OR11H12: variants seen among roughly 807,000 people sequenced by gnomAD.
The protein encoded by OR11H12 is olfactory receptor family 11 subfamily H member 12.
In OR11H12, 10 loss-of-function variants were observed where a neutral mutation model predicts 19.8. That is an observed-to-expected ratio of 0.51 (90% CI 0.31 to 0.86). The LOEUF (loss-of-function observed/expected upper bound fraction) is 0.86, where lower values mean the gene tolerates loss of function less well. OR11H12 is among the 40% of genes least tolerant of loss of function. The pLI is 0.04. For missense variants in OR11H12, 123 were observed against 384.2 expected (o/e 0.32, Z 5.68); for synonymous variants, 40 against 140.5 (o/e 0.28, Z 5.06).
rs148443784 is a variant in OR11H12 at position 18,602,061 on chromosome 14, C to T, written c.945C>T (p.Ala315=). Residue 315 remains alanine, a synonymous_variant, in exon 1 of 1, where the codon GCC becomes GCT. Coordinates refer to ENST00000550708, the MANE Select transcript of OR11H12 (RefSeq NM_001013354.1). ...YSLQNKEIKA[A]LRKVLGSSNI... ...TCCAGAATAAGGAGATAAAGGCAGC[C>T]CTGAGGAAAGTTCTGGGAAGTTCCA... is the stretch of plus-strand genomic sequence containing the variant. 3.7e-4 allele frequency: 529 copies of T among 1,431,620 alleles called. 113 individuals are homozygous for T. The African/African-American group carries it at 6.6e-3, about 18-fold the overall frequency. 88.7% of individuals were successfully genotyped at this position (1,431,620 alleles called of 1,614,324 possible).
chr14:18,601,865 A>C lies in OR11H12; in HGVS notation c.749A>C (p.His250Pro). ...GGTATGCCTTCAAGCACTGGGAGAC[A>C]TAAGGCCTTCTCTACCTGTGGGTCT... ...VLGMPSSTGR[H>P]KAFSTCGSHL... is the part of the protein sequence containing the mutation. The change falls in exon 1 of 1, where the codon CAT becomes CCT. Residue 250 changes from histidine (H) to proline (P), a missense_variant. By Grantham distance (77) the His-to-Pro change is moderately conservative. Transcript: ENST00000550708. 1 of 1,605,330 alleles carries C rather than the reference A, an allele frequency of 6.2e-7. No homozygotes were observed. The highest frequency in any genetic ancestry group is 8.5e-7 in the Non-Finnish European group (1 of 1,174,842).
the OR11H12 span, chr14:18,601,797 CT>C: frequency 6.2e-7 from 1 of 1,609,896 alleles, no homozygotes; most frequent in African/African-American, 1.4e-5. Flanking sequence ...GTAACTTCCT[CT>C]TTATTATTGG....
chr14:18,601,220 A>G lies in OR11H12; in HGVS notation c.104A>G (p.Glu35Gly). Residue 35 changes from glutamate to glycine, a missense_variant, in exon 1 of 1, where the codon GAG becomes GGG. By Grantham distance (98) the Glu-to-Gly change is moderately conservative (BLOSUM62 -2). Coordinates refer to ENST00000550708, the MANE Select transcript of OR11H12 (RefSeq NM_001013354.1). ...NEFILQGFTC[E>G]WTIQIFLFSL... ...TTTATACTCCAAGGTTTCACTTGTG[A>G]GTGGACAATTCAGATCTTCCTCTTC... The G allele has an allele frequency of 4.4e-6, 7 of 1,609,172 alleles. No individual in the cohort carries two copies. The highest frequency in any genetic ancestry group is 5.9e-6 in the Non-Finnish European group (7 of 1,179,556).
Position 18,601,297 on chromosome 14 carries a change from G to A in OR11H12, c.181G>A (p.Ala61Thr), listed in dbSNP as rs1208242678. 5 of 1,537,850 alleles carry A rather than the reference G, an allele frequency of 3.3e-6. No individual in the cohort carries two copies. In the East Asian group the frequency reaches 6.8e-5, roughly 21 times the overall value. ...GACTATAACAGGGAATGGAGCCATT[G>A]CTTTTGTCCTGTGGTGTGACTGGCG... ...ALTITGNGAI[A>T]FVLWCDWRLH... Residue 61 changes from alanine to threonine, a missense_variant, in exon 1 of 1, where the codon GCT (alanine) becomes ACT (threonine). By Grantham distance (58) the Ala-to-Thr change is moderately conservative. Transcript: ENST00000550708.
rs61969158 is a variant in OR11H12 at position 18,601,835 on chromosome 14, T to G, written c.719T>G (p.Val240Gly). The change falls in exon 1 of 1, where the codon GTG becomes GGG. Residue 240 changes from valine to glycine, a missense_variant. Physicochemically the swap from Val to Gly is moderately radical, Grantham distance 109 (BLOSUM62 -3). Transcript: ENST00000550708. ...TCCTATACTCTTGTCCTGAAAGCTG[T>G]GTTGGGTATGCCTTCAAGCACTGGG... ...IGSYTLVLKA[V>G]LGMPSSTGRH... 363,897 of 1,561,234 alleles carry G rather than the reference T, an allele frequency of 0.23. 3,833 individuals carry two copies. Among genetic ancestry groups the G allele is most frequent in the African/African-American group, 0.31 (22,131 of 71,318 alleles).
At position 18,601,208 on chromosome 14, in the gene OR11H12, G is replaced by A; in HGVS notation, c.92G>A (p.Gly31Asp). The stretch of plus-strand genomic sequence containing the variant: ...TTTGTAAATGAATTTATACTCCAAG[G>A]TTTCACTTGTGAGTGGACAATTCAG... The part of the protein sequence containing the change: ...FAFVNEFILQ[G>D]FTCEWTIQIF... The change falls in exon 1 of 1, where the codon GGT becomes GAT. Residue 31 changes from glycine (G) to aspartate (D), a missense_variant. Transcript: ENST00000550708. The A allele has an allele frequency of 6.2e-7, 1 of 1,609,128 alleles. No homozygotes were observed. Among genetic ancestry groups the A allele is most frequent in the East Asian group, 2.2e-5 (1 of 44,792 alleles).
Position 18,601,239 on chromosome 14 carries a change from C to T in OR11H12, c.123C>T (p.Phe41=), listed in dbSNP as rs747747275. The T allele has an allele frequency of 3.1e-6, 5 of 1,608,156 alleles. No homozygotes were observed. The East Asian group carries it at 6.7e-5, about 22-fold the overall frequency. ...GFTCEWTIQI[F]LFSLFTTTYA... ...CTTGTGAGTGGACAATTCAGATCTT[C>T]CTCTTCTCACTCTTTACTACAACAT... Residue 41 remains phenylalanine (F), a synonymous_variant, in exon 1 of 1, where the codon TTC becomes TTT. Coordinates refer to ENST00000550708, the MANE Select transcript of OR11H12 (RefSeq NM_001013354.1).
rs764256054 is a variant in OR11H12 at position 18,601,220 on chromosome 14, A to C, written c.104A>C (p.Glu35Ala). The change falls in exon 1 of 1, where the codon GAG becomes GCG. Residue 35 changes from glutamate to alanine, a missense_variant. By Grantham distance (107) the Glu-to-Ala change is moderately radical (BLOSUM62 -1). Transcript: ENST00000550708. The part of the protein sequence containing the change: ...NEFILQGFTC[E>A]WTIQIFLFSL... ...TTTATACTCCAAGGTTTCACTTGTGAGTGGACAATTCAGATCTTCCTCTTC... is the reference window on the plus strand; with the variant it reads ...TTTATACTCCAAGGTTTCACTTGTGCGTGGACAATTCAGATCTTCCTCTTC... The C allele has an allele frequency of 6.2e-7, 1 of 1,609,172 alleles. No individual in the cohort carries two copies. Among genetic ancestry groups the C allele is most frequent in the Non-Finnish European group, 8.5e-7 (1 of 1,179,556 alleles).
chr14:18,601,221 G>C lies in OR11H12; in HGVS notation c.105G>C (p.Glu35Asp), dbSNP rs754036492. The C allele has an allele frequency of 2.5e-6, 4 of 1,609,142 alleles. No homozygotes were observed. Among genetic ancestry groups the C allele is most frequent in the East Asian group, 4.5e-5 (2 of 44,794 alleles). ...NEFILQGFTC[E>D]WTIQIFLFSL... ...TTATACTCCAAGGTTTCACTTGTGA[G>C]TGGACAATTCAGATCTTCCTCTTCT... Residue 35 changes from glutamate to aspartate, a missense_variant, in exon 1 of 1, where the codon GAG (glutamate) becomes GAC (aspartate). Physicochemically the swap from Glu to Asp is conservative, Grantham distance 45. Coordinates refer to ENST00000550708, the MANE Select transcript of OR11H12 (RefSeq NM_001013354.1).
rs1318534653 is a variant in OR11H12 at position 18,601,131 on chromosome 14, C to T, written c.15C>T (p.Thr5=). The change falls in exon 1 of 1, where the codon ACC becomes ACT. Residue 5 remains threonine (T), a synonymous_variant. Coordinates refer to ENST00000550708, the MANE Select transcript of OR11H12 (RefSeq NM_001013354.1). MCPL[T]LQVTGLMNVS... is the part of the protein sequence containing the mutation. The stretch of plus-strand genomic sequence containing the variant: ...CCTGACTGATAATGTGTCCCTTGAC[C>T]TTGCAGGTCACTGGCCTAATGAATG... The T allele has an allele frequency of 6.4e-7, 1 of 1,557,728 alleles. No individual in the cohort carries two copies. Among genetic ancestry groups the T allele is most frequent in the African/African-American group, 1.4e-5 (1 of 68,966 alleles).
In OR11H12 at chr14:18,602,096, A is replaced by G. The variant is rs755834699; in HGVS notation, c.980A>G (p.Ter327=). Residue 327 remains the stop codon, a stop_retained_variant, in exon 1 of 1, where the codon TAA becomes TGA. Transcript: ENST00000550708. ...RKVLGSSNII[*] is the part of the protein sequence containing the mutation. ...GTTCTGGGAAGTTCCAACATAATCT[A>G]AGGCATATTAGATTATTCCTCCATG... The G allele has an allele frequency of 7.0e-7, 1 of 1,427,908 alleles. No homozygotes were observed. The highest frequency in any genetic ancestry group is 2.5e-5 in the East Asian group (1 of 39,892). 88.5% of individuals were successfully genotyped at this position (1,427,908 alleles called of 1,614,324 possible). A position where few individuals can be genotyped will look rare whatever the true frequency, so the allele number is the denominator to read the frequency against.
Position 18,601,229 on chromosome 14 carries a change from T to C in OR11H12, c.113T>C (p.Ile38Thr). ...CAAGGTTTCACTTGTGAGTGGACAA[T>C]TCAGATCTTCCTCTTCTCACTCTTT... Reference protein sequence around the residue: ...ILQGFTCEWTIQIFLFSLFTT... With the variant: ...ILQGFTCEWTTQIFLFSLFTT... The change falls in exon 1 of 1, where the codon ATT (isoleucine) becomes ACT (threonine). Residue 38 changes from isoleucine to threonine, a missense_variant. Physicochemically the swap from Ile to Thr is moderately conservative, Grantham distance 89 (BLOSUM62 -1). Transcript: ENST00000550708. 2 of 1,608,870 alleles carry C rather than the reference T, an allele frequency of 1.2e-6. No individual in the cohort carries two copies. Among genetic ancestry groups the C allele is most frequent in the Non-Finnish European group, 1.7e-6 (2 of 1,179,466 alleles).
At position 18,601,284 on chromosome 14, in the gene OR11H12, G is replaced by A. The variant is rs759002565; in HGVS notation, c.168G>A (p.Gly56=). The A allele has an allele frequency of 2.5e-6, 4 of 1,580,332 alleles. 1 individual carries two copies. Among genetic ancestry groups the A allele is most frequent in the Non-Finnish European group, 3.4e-6 (4 of 1,160,928 alleles). ...FTTTYALTIT[G]NGAIAFVLWC... ...CAACATATGCACTGACTATAACAGG[G>A]AATGGAGCCATTGCTTTTGTCCTGT... is the stretch of plus-strand genomic sequence containing the variant. The change falls in exon 1 of 1, where the codon GGG becomes GGA. Residue 56 remains glycine, a synonymous_variant. Transcript: ENST00000550708.
rs1469243958 is a variant in OR11H12 at position 18,601,663 on chromosome 14, T to C, written c.547T>C (p.Phe183Leu). 2.5e-6 allele frequency: 4 copies of C among 1,611,360 alleles called. No homozygotes were observed. Among genetic ancestry groups the C allele is most frequent in the Non-Finnish European group, 3.4e-6 (4 of 1,179,658 alleles). Residue 183 changes from phenylalanine (F) to leucine (L), a missense_variant, in exon 1 of 1, where the codon TTC becomes CTC. Coordinates refer to ENST00000550708, the MANE Select transcript of OR11H12 (RefSeq NM_001013354.1). Reference protein sequence around the residue: ...IPIVLISQMPFCGPNIIDHVV... With the variant: ...IPIVLISQMPLCGPNIIDHVV... ...CATTGTTCTCATCTCTCAGATGCCC[T>C]TCTGTGGCCCAAACATTATTGACCA... is the stretch of plus-strand genomic sequence containing the variant.
In OR11H12 at chr14:18,601,688, A is replaced by C; in HGVS notation, c.572A>C (p.His191Pro). The C allele has an allele frequency of 2.5e-6, 4 of 1,609,716 alleles. No homozygotes were observed. Among genetic ancestry groups the C allele is most frequent in the Non-Finnish European group, 3.4e-6 (4 of 1,178,940 alleles). ...TTCTGTGGCCCAAACATTATTGACC[A>C]TGTTGTGTGTGACCCAGGGCCACGA... is the stretch of plus-strand genomic sequence containing the variant. ...MPFCGPNIID[H>P]VVCDPGPRFA... Residue 191 changes from histidine to proline, a missense_variant, in exon 1 of 1, where the codon CAT (histidine) becomes CCT (proline). By Grantham distance (77) the His-to-Pro change is moderately conservative. Transcript: ENST00000550708.
rs1369878574 is a variant in OR11H12, at chr14:18,601,258, A to C, written c.142A>C (p.Thr48Pro). 6.2e-7 allele frequency: 1 copy of C among 1,605,776 alleles called. No homozygotes were observed. The highest frequency in any genetic ancestry group is 8.5e-7 in the Non-Finnish European group (1 of 1,178,642). The change falls in exon 1 of 1, where the codon ACA (threonine) becomes CCA (proline). Residue 48 changes from threonine to proline, a missense_variant. By Grantham distance (38) the Thr-to-Pro change is conservative. Transcript: ENST00000550708. Reference protein sequence around the residue: ...IQIFLFSLFTTTYALTITGNG... With the variant: ...IQIFLFSLFTPTYALTITGNG... Reference sequence around the variant, plus strand: ...GATCTTCCTCTTCTCACTCTTTACTACAACATATGCACTGACTATAACAGG... The same window carrying C: ...GATCTTCCTCTTCTCACTCTTTACTCCAACATATGCACTGACTATAACAGG...
At position 18,601,261 on chromosome 14, in the gene OR11H12, A is replaced by G. The variant is rs1362079128; in HGVS notation, c.145A>G (p.Thr49Ala). Residue 49 changes from threonine (T) to alanine (A), a missense_variant, in exon 1 of 1, where the codon ACA (threonine) becomes GCA (alanine). Physicochemically the swap from Thr to Ala is moderately conservative, Grantham distance 58. Coordinates refer to ENST00000550708, the MANE Select transcript of OR11H12 (RefSeq NM_001013354.1). The stretch of plus-strand genomic sequence containing the variant: ...CTTCCTCTTCTCACTCTTTACTACA[A>G]CATATGCACTGACTATAACAGGGAA... ...QIFLFSLFTT[T>A]YALTITGNGA... 2 of 1,605,114 alleles carry G rather than the reference A, an allele frequency of 1.2e-6. No homozygotes were observed. Among genetic ancestry groups the G allele is most frequent in the Non-Finnish European group, 1.7e-6 (2 of 1,178,424 alleles).
rs147859978 is a variant in OR11H12 at position 18,601,268 on chromosome 14, C to A, written c.152C>A (p.Ala51Glu). 6.5e-4 allele frequency: 1,044 copies of A among 1,603,020 alleles called. 45 individuals are homozygous for A. The African/African-American group carries it at 0.013, about 20-fold the overall frequency. ...FLFSLFTTTY[A>E]LTITGNGAIA... Reference sequence around the variant, plus strand: ...TTCTCACTCTTTACTACAACATATGCACTGACTATAACAGGGAATGGAGCC... The same window carrying A: ...TTCTCACTCTTTACTACAACATATGAACTGACTATAACAGGGAATGGAGCC... Residue 51 changes from alanine (A) to glutamate (E), a missense_variant, in exon 1 of 1, where the codon GCA becomes GAA. Ala to Glu is a moderately radical substitution (Grantham distance 107). Coordinates refer to ENST00000550708, the MANE Select transcript of OR11H12 (RefSeq NM_001013354.1).
At chr14:18,601,981 GA>G in the OR11H12 span, 1 of 1,354,320 alleles carries the variant, frequency 7.4e-7, no homozygotes. Flanking sequence ...GCAGAAAATT[GA>G]AACTTTGTTC....
Sources: gnomAD v4.1 joint callset for allele counts on GRCh38, gnomAD v4.1.1 for gene constraint, MANE v1.5 for transcripts, NCBI Gene and HGNC (gene_info 2026-07-23, HGNC 2026-07-21) for gene names.